XKR9: variants seen among roughly 807,000 people sequenced by gnomAD.
XKR9 encodes the protein XK related 9, also known as XK-related protein 9.
In XKR9, 32 loss-of-function variants were observed where a neutral mutation model predicts 32.0. That is an observed-to-expected ratio of 1.00 (90% CI 0.76 to 1.34). The LOEUF (loss-of-function observed/expected upper bound fraction) is 1.34. Among genes scored for constraint, XKR9 ranks in the 40% most tolerant of loss-of-function variants. The probability of loss-of-function intolerance (pLI) is 0.00; values close to 1 mark genes in which losing one functional copy is unlikely to be tolerated. For missense variants in XKR9, 546 were observed against 429.7 expected, an observed-to-expected ratio of 1.27 and a Z score of -2.39; for synonymous variants, 168 against 143.4, an observed-to-expected ratio of 1.17 and a Z score of -1.22.
chr8:70,805,883 C>A, the XKR9 span, among the ~76,000 whole-genome samples: 2 of 152,162 alleles, frequency 1.3e-5, no homozygotes, highest in Admixed American at 6.5e-5. Context: ...GTGAAGCACA[C>A]CCCCTCCACC....
At chr8:70,900,681 T>C in the XKR9 span, among the ~76,000 whole-genome samples, 1 of 152,244 alleles carries the variant, frequency 6.6e-6, no homozygotes, top group Admixed American at 6.5e-5. Context: ...ATTATTATAC[T>C]TTAAGTTCTA....
chr8:70,875,292 C>T, the XKR9 span, among the ~76,000 whole-genome samples: 1 of 152,132 alleles, frequency 6.6e-6, no homozygotes, highest in Non-Finnish European at 1.5e-5. Flanking sequence ...TGGAGAATGC[C>T]TCCGTTTATA....
At chr8:70,865,921 C>T in the XKR9 span, among the ~76,000 whole-genome samples, 470 of 152,196 alleles carry the variant, frequency 3.1e-3, 4 homozygotes, top group African/African-American at 0.011. Context: ...AATGCTAATT[C>T]GAGCACTTTT....
At chr8:70,670,223 C>T (rs1307919035) in intron 1 of XKR9, among the ~76,000 whole-genome samples, 3 of 152,142 alleles carry the variant, frequency 2.0e-5, no homozygotes, top group Non-Finnish European at 4.4e-5. Context: ...AAGGAGCATG[C>T]CTCTGCCTGC....
the XKR9 span, among the ~76,000 whole-genome samples, chr8:70,987,753 G>A: frequency 2.6e-5 from 4 of 152,124 alleles, no homozygotes; most frequent in African/African-American, 9.7e-5. Context: ...TTCTGTGTGG[G>A]GGCTCTGACA....
chr8:70,988,623 T>A, the XKR9 span, among the ~76,000 whole-genome samples: 1 of 152,342 alleles, frequency 6.6e-6, no homozygotes, highest in East Asian at 1.9e-4. Flanking sequence ...GCCTATTTTG[T>A]TATTAGTTCT....
At chr8:71,032,803 G>T in the XKR9 span, among the ~76,000 whole-genome samples, 4 of 152,162 alleles carry the variant, frequency 2.6e-5, no homozygotes, top group East Asian at 7.7e-4. Context: ...TAAAAATATT[G>T]GCTGGGTGCA....
chr8:71,033,806 C>A, the XKR9 span, among the ~76,000 whole-genome samples: 1 of 152,282 alleles, frequency 6.6e-6, no homozygotes, highest in Admixed American at 6.5e-5. Flanking sequence ...TCATCAGATG[C>A]AGCTGCCCAA....
chr8:70,909,247 C>T, the XKR9 span, among the ~76,000 whole-genome samples: 2 of 152,152 alleles, frequency 1.3e-5, no homozygotes, highest in African/African-American at 4.8e-5. Context: ...ATTGCCTCCT[C>T]GTGCTCTTGG....
the XKR9 span, among the ~76,000 whole-genome samples, chr8:70,810,569 G>T: frequency 6.6e-6 from 1 of 152,054 alleles, no homozygotes; most frequent in Non-Finnish European, 1.5e-5. Flanking sequence ...GACACACATA[G>T]ACTCAAAATA....
chr8:70,762,355 G>T (rs1159852138), intron 2 of XKR9, among the ~76,000 whole-genome samples: 1 of 152,164 alleles, frequency 6.6e-6, no homozygotes, highest in Non-Finnish European at 1.5e-5. Context: ...CGGACTGCCA[G>T]TTCGTGGCAT....
At chr8:70,819,593 C>T in the XKR9 span, among the ~76,000 whole-genome samples, 2 of 152,170 alleles carry the variant, frequency 1.3e-5, no homozygotes, top group African/African-American at 4.8e-5. Context: ...ATCTCTGAGC[C>T]TCAATTTCCT....
the XKR9 span, among the ~76,000 whole-genome samples, chr8:70,944,417 T>A: frequency 6.6e-6 from 1 of 152,176 alleles, no homozygotes; most frequent in Non-Finnish European, 1.5e-5. Flanking sequence ...TTTTTTAGAA[T>A]GTTGTTGATA....
chr8:70,716,687 C>G (rs895421560), intron 4 of XKR9, among the ~76,000 whole-genome samples: 1 of 152,116 alleles, frequency 6.6e-6, no homozygotes, highest in Non-Finnish European at 1.5e-5. Context: ...GGTGGGGACA[C>G]AAAGCCAAAC....
chr8:70,813,081 G>A, the XKR9 span, among the ~76,000 whole-genome samples: 383 of 152,220 alleles, frequency 2.5e-3, 4 homozygotes, highest in African/African-American at 8.8e-3. Context: ...CATGGTACTG[G>A]TACCAAAACA....
chr8:70,888,332 T>C, the XKR9 span, among the ~76,000 whole-genome samples: 1 of 152,024 alleles, frequency 6.6e-6, no homozygotes, highest in Non-Finnish European at 1.5e-5. Flanking sequence ...TTGTTTGAGT[T>C]CCTTTTATAT....
At chr8:70,816,313 C>A in the XKR9 span, among the ~76,000 whole-genome samples, 1 of 152,124 alleles carries the variant, frequency 6.6e-6, no homozygotes, top group Admixed American at 6.5e-5. Flanking sequence ...ATTAGTATAA[C>A]CTTTATGGAA....
the XKR9 span, among the ~76,000 whole-genome samples, chr8:70,926,036 C>T: frequency 6.6e-6 from 1 of 152,100 alleles, no homozygotes; most frequent in Non-Finnish European, 1.5e-5. Flanking sequence ...ACTTGTTATA[C>T]TGGAAAAAAT....
chr8:70,876,984 C>T, the XKR9 span, among the ~76,000 whole-genome samples: 2 of 152,068 alleles, frequency 1.3e-5, no homozygotes, highest in African/African-American at 4.8e-5. Context: ...GTGTATTAGT[C>T]TGTTCTCATA....
Sources: gnomAD v4.1 joint callset for allele counts (sites outside exome capture counted in the v4.1 genomes callset) on GRCh38, gnomAD v4.1.1 for gene constraint, MANE v1.5 for transcripts, NCBI Gene and HGNC (gene_info 2026-07-23, HGNC 2026-07-21) for gene names.